TANC1: variants seen among roughly 807,000 people sequenced by gnomAD.
The protein encoded by TANC1 is protein TANC1.
In TANC1, 77 loss-of-function variants were observed where a neutral mutation model predicts 149.7. The ratio of observed to expected loss-of-function variants is 0.51; its 90% CI spans 0.43 to 0.62. The LOEUF (loss-of-function observed/expected upper bound fraction) is 0.62, where lower values mean the gene tolerates loss of function less well. Among genes scored for constraint, TANC1 ranks in the 20% least tolerant of loss-of-function variants. TANC1 has a pLI of 0.00. For missense variants in TANC1, 1,985 were observed against 2,321.8 expected (o/e 0.85, Z 2.98); for synonymous variants, 854 against 925.0 (o/e 0.92, Z 1.39).
At chr2:159,150,339 G>A (rs200136850) in intron 6 of TANC1, 31 bp from the exon 7 acceptor site, 596 of 1,598,904 alleles carry the variant, frequency 3.7e-4, no homozygotes, top group Non-Finnish European at 4.9e-4. Context: ...TGTGTAAGCC[G>A]TGCTAACTCC....
chr2:159,194,415 C>T lies in TANC1; in HGVS notation c.2901C>T (p.Asn967=), dbSNP rs772570482. ...FGACLDGTSE[N]GMTALCYAAA... is the part of the protein sequence containing the mutation. The stretch of plus-strand genomic sequence containing the variant: ...CCTGCCTGGACGGAACGTCAGAGAA[C>T]GGCATGACTGCCCTCTGTTACGCAG... Residue 967 remains asparagine, a synonymous_variant, in exon 17 of 27, where the codon AAC becomes AAT. Coordinates refer to ENST00000263635, the MANE Select transcript of TANC1 (RefSeq NM_033394.3). The T allele has an allele frequency of 1.7e-5, 27 of 1,614,164 alleles. No individual in the cohort carries two copies. The highest frequency in any genetic ancestry group is 1.5e-4 in the Admixed American group (9 of 60,014).
chr2:158,993,197 C>T (rs754268408), intron 1 of TANC1, among the ~76,000 whole-genome samples: 1 of 152,166 alleles, frequency 6.6e-6, no homozygotes, highest in African/African-American at 2.4e-5. Context: ...AGTGGGTGAA[C>T]TCAAACTTTG....
intron 4 of TANC1, among the ~76,000 whole-genome samples, chr2:159,126,473 A>G (rs75087116): frequency 2.0e-5 from 3 of 152,180 alleles, no homozygotes; most frequent in East Asian, 3.8e-4. Flanking sequence ...AATATCATCA[A>G]TTTCACCACT....
intron 1 of TANC1, among the ~76,000 whole-genome samples, chr2:158,991,710 C>T (rs1480487336): frequency 1.3e-5 from 2 of 152,010 alleles, no homozygotes; most frequent in African/African-American, 4.8e-5. Flanking sequence ...CGCACCACTG[C>T]ACTCCAGCCT....
At position 159,090,437 on chromosome 2, in the gene TANC1, T is replaced by A. The variant is rs761677935; in HGVS notation, c.62-7200T>A. 1.2e-4 allele frequency among the ~76,000 whole-genome samples: 18 copies of A among 152,220 alleles called. 1 individual carries two copies. Among genetic ancestry groups the A allele is most frequent in the Non-Finnish European group, 1.5e-4 (10 of 68,040 alleles). On this transcript the variant is annotated intron_variant, in intron 3 of 26. Coordinates refer to ENST00000263635, the MANE Select transcript of TANC1 (RefSeq NM_033394.3). Reference sequence around the variant, plus strand: ...GGTCCTGGCTGCACAGTAAAATCACTTGGTGAGCTTTAAGGACCATCACCT... The same window carrying A: ...GGTCCTGGCTGCACAGTAAAATCACATGGTGAGCTTTAAGGACCATCACCT...
intron 4 of TANC1, among the ~76,000 whole-genome samples, chr2:159,124,611 A>G (rs2049201900): frequency 6.6e-6 from 1 of 152,174 alleles, no homozygotes; most frequent in Non-Finnish European, 1.5e-5. Context: ...TCCTTAGACA[A>G]ACTCTGAAAT....
chr2:159,199,294 C>T (rs13420357), intron 19 of TANC1, among the ~76,000 whole-genome samples: 9,315 of 152,284 alleles, frequency 0.061, 390 homozygotes, highest in African/African-American at 0.12. Flanking sequence ...CTAGCAGTTA[C>T]GGTACATCTG....
chr2:159,054,016 G>A (rs1273890491), intron 2 of TANC1, among the ~76,000 whole-genome samples: 2 of 152,172 alleles, frequency 1.3e-5, no homozygotes, highest in Admixed American at 6.5e-5. Context: ...TTGCAGCATG[G>A]GATGCTGCTC....
intron 7 of TANC1, among the ~76,000 whole-genome samples, chr2:159,152,237 C>T (rs1332212006): frequency 1.3e-5 from 2 of 152,172 alleles, no homozygotes. Flanking sequence ...AGCGTTACTT[C>T]TGTTCTTATG....
intron 4 of TANC1, among the ~76,000 whole-genome samples, chr2:159,117,905 CTACTGGAGTTTTTCTG>C (rs71406152): frequency 4.4e-4 from 67 of 150,826 alleles, no homozygotes; most frequent in East Asian, 1.6e-3. Context: ...GGTTGCCCCT[CTACTGGAGTTTTTCTG>C]TACTGGAGTT....
intron 4 of TANC1, among the ~76,000 whole-genome samples, chr2:159,132,387 T>C (rs573373282): frequency 1.0e-3 from 159 of 152,326 alleles, no homozygotes; most frequent in African/African-American, 3.5e-3. Flanking sequence ...TTTCCCCTTG[T>C]AGCAAGAGGT....
At chr2:159,093,183 A>G (rs1160659990) in intron 3 of TANC1, among the ~76,000 whole-genome samples, 1 of 152,220 alleles carries the variant, frequency 6.6e-6, no homozygotes, top group Non-Finnish European at 1.5e-5. Context: ...CCTACCTGGC[A>G]TTTCTGCCTG....
At chr2:159,181,309 T>A (rs2056445630) in intron 14 of TANC1, among the ~76,000 whole-genome samples, 1 of 151,996 alleles carries the variant, frequency 6.6e-6, no homozygotes, top group African/African-American at 2.4e-5. Context: ...TTGCTTTTTT[T>A]TTTTTTCAGA....
At chr2:159,047,187 T>TCC (rs1451003666) in intron 2 of TANC1, among the ~76,000 whole-genome samples, 1 of 130,378 alleles carries the variant, frequency 7.7e-6, no homozygotes, top group Admixed American at 7.5e-5. Context: ...CTGAACTCAT[T>TCC]TCCCCCCCCC....
chr2:159,086,570 G>A (rs1574560631), intron 3 of TANC1, among the ~76,000 whole-genome samples: 1 of 152,164 alleles, frequency 6.6e-6, no homozygotes, highest in African/African-American at 2.4e-5. Flanking sequence ...GGAGCCTCAA[G>A]AACTTGGCAG....
intron 1 of TANC1, among the ~76,000 whole-genome samples, chr2:158,989,240 C>T (rs1055123218): frequency 3.9e-5 from 6 of 152,006 alleles, no homozygotes; most frequent in African/African-American, 1.2e-4. Context: ...TGGGCAAGGT[C>T]GCTCATGCCT....
intron 2 of TANC1, among the ~76,000 whole-genome samples, chr2:159,062,991 A>AAAAAAAAAAAAAG (rs1553534848): frequency 1.4e-5 from 2 of 147,188 alleles, no homozygotes; most frequent in Non-Finnish European, 3.0e-5. Flanking sequence ...AAAAAAAAAA[A>AAAAAAAAAAAAAG]AAAAGAAAGC....
chr2:159,062,972 T>TAAA (rs2042352835), intron 2 of TANC1, among the ~76,000 whole-genome samples: 1 of 2,948 alleles, frequency 3.4e-4, no homozygotes, highest in African/African-American at 7.6e-4. Flanking sequence ...AGACTCCGTC[T>TAAA]CAAAAAAAAA....
At chr2:159,200,365 C>T (rs1382369476) in intron 19 of TANC1, among the ~76,000 whole-genome samples, 1 of 152,198 alleles carries the variant, frequency 6.6e-6, no homozygotes, top group African/African-American at 2.4e-5. Context: ...CAGGTTACTC[C>T]TAGCTCCCTG....
Sources: gnomAD v4.1 joint callset for allele counts (sites outside exome capture counted in the v4.1 genomes callset) on GRCh38, gnomAD v4.1.1 for gene constraint, MANE v1.5 for transcripts, NCBI Gene and HGNC (gene_info 2026-07-23, HGNC 2026-07-21) for gene names.